The following IQSEC1 variants were observed in gnomAD, a reference collection of about 807,000 sequenced individuals.
IQSEC1 encodes the protein IQ motif and Sec7 domain ArfGEF 1, also known as IQ motif and SEC7 domain-containing protein 1.
Under a neutral mutation model 91.0 loss-of-function variants are expected in IQSEC1, and 31 were observed. The ratio of observed to expected loss-of-function variants is 0.34; its 90% CI spans 0.26 to 0.46. The LOEUF (loss-of-function observed/expected upper bound fraction) is 0.46. Among genes scored for constraint, IQSEC1 ranks in the 20% least tolerant of loss-of-function variants. The pLI, the probability that IQSEC1 is intolerant of heterozygous loss-of-function variation, is 1.00. For synonymous variants in IQSEC1, 699 were observed against 662.6 expected (o/e 1.05, Z -0.84); for missense variants, 1,388 against 1,575.6 (o/e 0.88, Z 2.02).
chr3:13,184,805 G>A (rs1329472908), intron 1 of IQSEC1, among the ~76,000 whole-genome samples: 1 of 152,194 alleles, frequency 6.6e-6, no homozygotes, highest in African/African-American at 2.4e-5. Context: ...GCCAGCCATG[G>A]CCAGTTGGGA....
intron 1 of IQSEC1, among the ~76,000 whole-genome samples, chr3:12,943,312 G>A (rs370135298): frequency 3.9e-5 from 6 of 152,212 alleles, no homozygotes. Flanking sequence ...GGGGCCATGC[G>A]GGGCGGGCTG....
At chr3:13,165,272 C>G (rs538815262) in intron 1 of IQSEC1, among the ~76,000 whole-genome samples, 12 of 152,062 alleles carry the variant, frequency 7.9e-5, no homozygotes, top group Non-Finnish European at 1.6e-4. Context: ...ATGGTCCCCA[C>G]GGCAGCAGGT....
At chr3:13,058,924 C>T (rs773356373) in intron 1 of IQSEC1, among the ~76,000 whole-genome samples, 3 of 151,984 alleles carry the variant, frequency 2.0e-5, no homozygotes, top group Non-Finnish European at 2.9e-5. Context: ...TGGCCAGCGG[C>T]GGACAGCGCT....
At chr3:13,112,207 T>G (rs1706258339) in intron 2 of IQSEC1, among the ~76,000 whole-genome samples, 1 of 152,222 alleles carries the variant, frequency 6.6e-6, no homozygotes, top group African/African-American at 2.4e-5. Flanking sequence ...GGCTTCCTCC[T>G]GGCCCCTGCT....
At chr3:13,080,918 A>G (rs370454839) in intron 2 of IQSEC1, among the ~76,000 whole-genome samples, 1 of 152,268 alleles carries the variant, frequency 6.6e-6, no homozygotes, top group Admixed American at 6.5e-5. Context: ...TTTATGCTCA[A>G]AGAAGTTCTT....
chr3:13,081,199 C>T (rs559704774), intron 2 of IQSEC1, among the ~76,000 whole-genome samples: 1 of 152,336 alleles, frequency 6.6e-6, no homozygotes, highest in Non-Finnish European at 1.5e-5. Flanking sequence ...CACAGACATG[C>T]CACCAATAAA....
At chr3:13,160,967 C>G (rs991465619) in intron 2 of IQSEC1, among the ~76,000 whole-genome samples, 2 of 152,216 alleles carry the variant, frequency 1.3e-5, no homozygotes, top group African/African-American at 4.8e-5. Context: ...GCATAAAAGG[C>G]CACAGAGACA....
At chr3:13,115,288 C>T (rs1051932544) in intron 2 of IQSEC1, among the ~76,000 whole-genome samples, 1 of 152,204 alleles carries the variant, frequency 6.6e-6, no homozygotes, top group African/African-American at 2.4e-5. Context: ...GCCAAGTCCT[C>T]TCCCCTCTCA....
At chr3:12,918,543 C>T (rs1206287119) in intron 6 of IQSEC1, among the ~76,000 whole-genome samples, 1 of 152,030 alleles carries the variant, frequency 6.6e-6, no homozygotes, top group African/African-American at 2.4e-5. Flanking sequence ...TGGCCAGGCA[C>T]GGTGGCTCAA....
chr3:13,187,380 C>G (rs944418245), intron 1 of IQSEC1, among the ~76,000 whole-genome samples: 4 of 152,246 alleles, frequency 2.6e-5, no homozygotes, highest in African/African-American at 9.6e-5. Flanking sequence ...AAGCCCTCAG[C>G]ACAGCCCTAA....
At chr3:13,190,153 G>A (rs1693997477) in intron 1 of IQSEC1, among the ~76,000 whole-genome samples, 1 of 152,200 alleles carries the variant, frequency 6.6e-6, no homozygotes, top group African/African-American at 2.4e-5. Flanking sequence ...CAGCCTGTCT[G>A]GGTCCAAGAA....
At chr3:13,224,955 G>C (rs901393428) in intron 1 of IQSEC1, among the ~76,000 whole-genome samples, 2 of 152,232 alleles carry the variant, frequency 1.3e-5, no homozygotes, top group African/African-American at 4.8e-5. Context: ...TGAAGCCCAA[G>C]CCTGGTGGCC....
At chr3:13,098,845 T>C (rs1168604055) in intron 2 of IQSEC1, among the ~76,000 whole-genome samples, 1 of 152,132 alleles carries the variant, frequency 6.6e-6, no homozygotes, top group Non-Finnish European at 1.5e-5. Context: ...TCTTTCTGGA[T>C]GATGAAAATG....
intron 1 of IQSEC1, among the ~76,000 whole-genome samples, chr3:13,017,227 C>T (rs753138843): frequency 6.6e-5 from 10 of 152,228 alleles, no homozygotes; most frequent in African/African-American, 1.2e-4. Flanking sequence ...TTCTTGGCAC[C>T]GATCTTTGCC....
At chr3:12,943,452 C>T (rs1698944469) in intron 1 of IQSEC1, among the ~76,000 whole-genome samples, 1 of 152,234 alleles carries the variant, frequency 6.6e-6, no homozygotes, top group African/African-American at 2.4e-5. Context: ...TCCAACACAA[C>T]ATCCAGTCAC....
chr3:12,938,509 TC>T (rs367978895), intron 2 of IQSEC1, among the ~76,000 whole-genome samples: 124 of 152,172 alleles, frequency 8.1e-4, no homozygotes, highest in African/African-American at 2.4e-3. Context: ...ACTTTTCCAA[TC>T]CCAGGCCACA....
At chr3:13,051,815 C>G (rs1385269335) in intron 1 of IQSEC1, among the ~76,000 whole-genome samples, 2 of 152,056 alleles carry the variant, frequency 1.3e-5, no homozygotes, top group Admixed American at 1.3e-4. Flanking sequence ...GTGTTTCTAT[C>G]CTGGTTGTAG....
At chr3:12,948,308 C>A (rs536603761) in intron 1 of IQSEC1, among the ~76,000 whole-genome samples, 1 of 152,370 alleles carries the variant, frequency 6.6e-6, no homozygotes, top group African/African-American at 2.4e-5. Flanking sequence ...CCTAGTGCCC[C>A]AAGCCAGGGT....
chr3:12,924,780 C>A lies in IQSEC1; in HGVS notation c.1569-38G>T. 6.6e-7 allele frequency: 1 copy of A among 1,509,652 alleles called. No individual in the cohort carries two copies. Among genetic ancestry groups the A allele is most frequent in the Non-Finnish European group, 8.9e-7 (1 of 1,124,182 alleles). 93.5% of individuals were successfully genotyped at this position (1,509,652 alleles called of 1,614,324 possible). ...GAGAGGCACACTCAGTCCCAGCTGCCCGGCCACCAGCCAGGCACCTGGAGG... is the reference window on the plus strand; with the variant it reads ...GAGAGGCACACTCAGTCCCAGCTGCACGGCCACCAGCCAGGCACCTGGAGG... On this transcript the variant is annotated intron_variant, in intron 3 of 13. Transcript: ENST00000613206. The surrounding 1 kb of genome is among the most constrained non-coding windows in gnomAD (Gnocchi z 6.3).
Sources: allele counts gnomAD v4.1 joint callset (sites outside exome capture counted in the v4.1 genomes callset), GRCh38; gene constraint gnomAD v4.1.1; non-coding constraint Gnocchi (gnomAD v3.1); transcripts MANE v1.5; gene names NCBI Gene and HGNC (gene_info 2026-07-23, HGNC 2026-07-21).